Variants in MSRA observed in about 807,000 individuals in gnomAD.
MSRA encodes mitochondrial peptide methionine sulfoxide reductase.
MSRA carries 54 observed loss-of-function variants against 31.3 expected under a neutral mutation model. The observed-to-expected ratio is 1.73, with a 90% CI of 1.39 to 2.17. The LOEUF is 2.17. Ranked by LOEUF, MSRA falls within the 30% of genes most tolerant of loss-of-function variation. MSRA has a pLI of 0.00. For missense variants in MSRA, 507 were observed against 300.9 expected, an observed-to-expected ratio of 1.69 and a Z score of -5.07; for synonymous variants, 169 against 116.5, an observed-to-expected ratio of 1.45 and a Z score of -2.90.
At chr8:10,352,605 G>T (rs1189889448) in intron 5 of MSRA, among the ~76,000 whole-genome samples, 1 of 152,094 alleles carries the variant, frequency 6.6e-6, no homozygotes, top group Non-Finnish European at 1.5e-5. Flanking sequence ...CTTTCCTGAA[G>T]TGCCATTTTG....
chr8:10,187,257 C>T (rs938405836), intron 1 of MSRA, among the ~76,000 whole-genome samples: 1 of 152,120 alleles, frequency 6.6e-6, no homozygotes, highest in Non-Finnish European at 1.5e-5. Flanking sequence ...GCCGGTGATA[C>T]CTGGAGTGTC....
Position 10,165,216 on chromosome 8 carries a change from G to C in MSRA, c.143-42617G>C, listed in dbSNP as rs536346740. On this transcript the variant is annotated intron_variant, in intron 1 of 5. Transcript: ENST00000317173. ...TTGCTTTATACGTTTTGAGCTGCTG[G>C]CTTCTAATTAGAGTTAATATCATTA... Among the ~76,000 whole-genome samples, 16 of 152,250 alleles carry C rather than the reference G, an allele frequency of 1.1e-4. No homozygotes were observed. In the South Asian group the frequency reaches 3.1e-3, roughly 30 times the overall value.
intron 5 of MSRA, among the ~76,000 whole-genome samples, chr8:10,384,801 A>G (rs1315255192): frequency 2.0e-5 from 3 of 152,132 alleles, no homozygotes; most frequent in African/African-American, 7.2e-5. Context: ...TGAGGACAGG[A>G]GTTTGAGACC....
chr8:10,143,772 A>G (rs1488487320), intron 1 of MSRA, among the ~76,000 whole-genome samples: 2 of 152,150 alleles, frequency 1.3e-5, no homozygotes, highest in African/African-American at 4.8e-5. Context: ...ATTTTGCGTC[A>G]CTGCAAACCT....
chr8:10,277,657 A>G (rs1331965334), intron 3 of MSRA, among the ~76,000 whole-genome samples: 1 of 152,188 alleles, frequency 6.6e-6, no homozygotes, highest in Non-Finnish European at 1.5e-5. Context: ...AGCCTCAAAT[A>G]ACCCAATGTC....
chr8:10,351,963 C>T (rs12674566), intron 5 of MSRA, among the ~76,000 whole-genome samples: 10 of 152,310 alleles, frequency 6.6e-5, no homozygotes, highest in Admixed American at 1.3e-4. Context: ...TTGTTGACTG[C>T]GATGAGGATC....
At chr8:10,213,729 G>A (rs918321842) in intron 2 of MSRA, among the ~76,000 whole-genome samples, 1 of 152,036 alleles carries the variant, frequency 6.6e-6, no homozygotes, top group South Asian at 2.1e-4. Flanking sequence ...TTCTTCTGTG[G>A]ATGGACACTT....
rs371125121 is a variant in MSRA, at chr8:10,428,155, C to A, written c.551C>A (p.Ser184Ter). The change falls in exon 6 of 6, where the codon TCA becomes TAA. Residue 184 changes from serine (S) to a stop codon, truncating the protein, a stop_gained. Coordinates refer to ENST00000317173, the MANE Select transcript of MSRA (RefSeq NM_012331.5). LOFTEE classifies it high-confidence loss of function. ...SSKENYQKVL[S>*]EHGFGPITTD... ...CTTTCTGTGTCCCCACAGGTTCTTT[C>A]AGAGCACGGCTTCGGCCCCATCACT... is the stretch of plus-strand genomic sequence containing the variant. 1.2e-6 allele frequency: 2 copies of A among 1,612,114 alleles called. No individual in the cohort carries two copies. The highest frequency in any genetic ancestry group is 1.3e-5 in the African/African-American group (1 of 74,850).
intron 3 of MSRA, among the ~76,000 whole-genome samples, chr8:10,289,831 G>A: frequency 6.6e-6 from 1 of 152,140 alleles, no homozygotes; most frequent in East Asian, 1.9e-4. Context: ...TGTTCTGTTT[G>A]TACTAACATA....
At chr8:10,143,498 C>T (rs750929791) in intron 1 of MSRA, among the ~76,000 whole-genome samples, 12 of 152,168 alleles carry the variant, frequency 7.9e-5, no homozygotes, top group Non-Finnish European at 1.2e-4. Context: ...CCTTTCATCA[C>T]GAGGCTCTAT....
At chr8:10,382,318 C>T (rs1306813405) in intron 5 of MSRA, among the ~76,000 whole-genome samples, 1 of 152,222 alleles carries the variant, frequency 6.6e-6, no homozygotes, top group African/African-American at 2.4e-5. Context: ...CACTGCGGCT[C>T]TCTTGAATCT....
chr8:10,329,251 C>T (rs1284801359), intron 5 of MSRA, among the ~76,000 whole-genome samples: 1 of 152,188 alleles, frequency 6.6e-6, no homozygotes, highest in Non-Finnish European at 1.5e-5. Context: ...AGCCCAAAGT[C>T]AATTTCCCTG....
Position 10,382,870 on chromosome 8 carries a change from C to T in MSRA, c.544-45278C>T, listed in dbSNP as rs900203522. Among the ~76,000 whole-genome samples, 4 of 152,292 alleles carry T rather than the reference C, an allele frequency of 2.6e-5. No homozygotes were observed. In the East Asian group the frequency reaches 7.7e-4, roughly 29 times the overall value. On this transcript the variant is annotated intron_variant, in intron 5 of 5. Transcript: ENST00000317173. ...CTGCCCCTGACGGTTCCTGGTCCAC[C>T]TTAGATAATACTCTTCACCCTCCAC...
chr8:10,133,259 G>A (rs574416262), intron 1 of MSRA, among the ~76,000 whole-genome samples: 1 of 152,284 alleles, frequency 6.6e-6, no homozygotes, highest in East Asian at 1.9e-4. Context: ...ACAGAGCTGC[G>A]TGCTATAAAT....
chr8:10,173,545 C>A (rs1805782429), intron 1 of MSRA, among the ~76,000 whole-genome samples: 1 of 152,208 alleles, frequency 6.6e-6, no homozygotes, highest in Admixed American at 6.5e-5. Context: ...AGGCATTGCC[C>A]ATAAATCGAG....
intron 1 of MSRA, among the ~76,000 whole-genome samples, chr8:10,185,253 C>T (rs950254870): frequency 9.9e-5 from 15 of 152,170 alleles, no homozygotes; most frequent in African/African-American, 3.6e-4. Flanking sequence ...ACGACTGGGG[C>T]TTGGCAGTCA....
intron 3 of MSRA, among the ~76,000 whole-genome samples, chr8:10,249,204 A>T (rs1021506093): frequency 1.3e-5 from 2 of 152,184 alleles, no homozygotes; most frequent in African/African-American, 4.8e-5. Flanking sequence ...GGGATTATTT[A>T]CAGAAAGAAA....
At chr8:10,354,667 A>T (rs374913886) in intron 5 of MSRA, among the ~76,000 whole-genome samples, 30 of 151,670 alleles carry the variant, frequency 2.0e-4, no homozygotes, top group African/African-American at 6.8e-4. Flanking sequence ...ATCAGTGAAA[A>T]TATTTGTAAC....
intron 5 of MSRA, among the ~76,000 whole-genome samples, chr8:10,335,641 C>G (rs931798649): frequency 6.6e-6 from 1 of 152,094 alleles, no homozygotes; most frequent in Middle Eastern, 3.2e-3. Context: ...CTACCTGCCT[C>G]GGGCTCTCTT....
Sources: gnomAD v4.1 joint callset for allele counts (sites outside exome capture counted in the v4.1 genomes callset) on GRCh38, gnomAD v4.1.1 for gene constraint, MANE v1.5 for transcripts, NCBI Gene and HGNC (gene_info 2026-07-23, HGNC 2026-07-21) for gene names.